SPATA31C2: variants seen among roughly 807,000 people sequenced by gnomAD.
The protein encoded by SPATA31C2 is SPATA31 subfamily C member 2, also known as spermatogenesis-associated protein 31C2.
Under a neutral mutation model 11.4 loss-of-function variants are expected in SPATA31C2, and 5 were observed. That is an observed-to-expected ratio of 0.44 (90% CI 0.23 to 0.92). The LOEUF (loss-of-function observed/expected upper bound fraction) is 0.92, where lower values mean the gene tolerates loss of function less well. Ranked by LOEUF, SPATA31C2 falls within the 40% of genes least tolerant of loss-of-function variation. SPATA31C2 has a pLI of 0.24. For missense variants in SPATA31C2, 1,353 were observed against 1,368.6 expected (o/e 0.99, Z 0.18); for synonymous variants, 515 against 538.7 (o/e 0.96, Z 0.61).
At position 88,129,392 on chromosome 9, in the gene SPATA31C2, A is replaced by AT. The variant is rs2118700639; in HGVS notation, c.*239dup. 2 of 1,014,984 alleles carry AT rather than the reference A, an allele frequency of 2.0e-6. No homozygotes were observed. The highest frequency in any genetic ancestry group is 3.1e-5 in the Admixed American group (1 of 32,288). 62.9% of individuals were successfully genotyped at this position (1,014,984 alleles called of 1,614,324 possible). A position where few individuals can be genotyped will look rare whatever the true frequency, so the allele number is the denominator to read the frequency against. Reference sequence around the variant, plus strand: ...AATACTTTTCCTCTACATAGAGTGAATTTTTTCTTGGTGACTTGTTTTTCT... The same window carrying AT: ...AATACTTTTCCTCTACATAGAGTGAATTTTTTTCTTGGTGACTTGTTTTTCT... On this transcript the variant is annotated 3_prime_UTR_variant, in exon 4 of 4. Transcript: ENST00000324915.
rs1355636156 is a variant in SPATA31C2 at position 88,130,366 on chromosome 9, C to T, written c.2671G>A (p.Ala891Thr). The change falls in exon 4 of 4, where the codon GCT (alanine) becomes ACT (threonine). Residue 891 changes from alanine (A) to threonine (T), a missense_variant. Physicochemically the swap from Ala to Thr is moderately conservative, Grantham distance 58. Around this residue, in one of 6 missense-constraint regions of SPATA31C2, gnomAD observed 1,075 missense variants for 992.8 expected, o/e 1.08. Coordinates refer to ENST00000324915, the MANE Select transcript of SPATA31C2 (RefSeq NM_001350978.3). ...ACTTGAGAAGCCAAATTCTCTGAAG[C>T]ATGGGGCACAACAGATGCTTGCCCA... ...PDGQASVVPH[A>T]SENLASQVPQ... 1 of 1,610,726 alleles carries T rather than the reference C, an allele frequency of 6.2e-7. No homozygotes were observed. Among genetic ancestry groups the T allele is most frequent in the Non-Finnish European group, 8.5e-7 (1 of 1,179,300 alleles).
chr9:88,133,064 C>G, intron 2 of SPATA31C2, 38 bp from the exon 3 acceptor site: 1 of 1,286,328 alleles, frequency 7.8e-7, no homozygotes, highest in Non-Finnish European at 1.0e-6. Context: ...GAGGGAGGGG[C>G]TTGGGATCTC....
At position 88,132,501 on chromosome 9, in the gene SPATA31C2, G is replaced by C; in HGVS notation, c.536C>G (p.Pro179Arg). The C allele has an allele frequency of 6.2e-7, 1 of 1,610,928 alleles. No individual in the cohort carries two copies. Among genetic ancestry groups the C allele is most frequent in the East Asian group, 2.2e-5 (1 of 44,668 alleles). The change falls in exon 4 of 4, where the codon CCA becomes CGA. Residue 179 changes from proline to arginine, a missense_variant. By Grantham distance (103) the Pro-to-Arg change is moderately radical. Around this residue, in one of 6 missense-constraint regions of SPATA31C2, gnomAD observed 1,075 missense variants for 992.8 expected, o/e 1.08. Coordinates refer to ENST00000324915, the MANE Select transcript of SPATA31C2 (RefSeq NM_001350978.3). ...QDLASTPPPG[P>R]MTTSVSSLSA... ...TAGGGAGGAGACTGAGGTGGTCATTGGGCCTGGTGGTGGGGTGGAGGCCAG... is the reference window on the plus strand; with the variant it reads ...TAGGGAGGAGACTGAGGTGGTCATTCGGCCTGGTGGTGGGGTGGAGGCCAG...
At position 88,133,612 on chromosome 9, in the gene SPATA31C2, T is replaced by G. The variant is rs990097977; in HGVS notation, c.247A>C (p.Lys83Gln). Residue 83 changes from lysine (K) to glutamine (Q), a missense_variant, in exon 2 of 4, where the codon AAA becomes CAA. Physicochemically the swap from Lys to Gln is moderately conservative, Grantham distance 53 (BLOSUM62 1). Coordinates refer to ENST00000324915, the MANE Select transcript of SPATA31C2 (RefSeq NM_001350978.3). ...GRRGRPRGRM[K>Q]NHSLRACREC... Reference sequence around the variant, plus strand: ...GCCTTACCTCTCAGACTGTGGTTTTTCATCCTGCCTCTGGGCCTCCCCCTC... The same window carrying G: ...GCCTTACCTCTCAGACTGTGGTTTTGCATCCTGCCTCTGGGCCTCCCCCTC... The G allele has an allele frequency of 5.7e-6, 9 of 1,581,820 alleles. No homozygotes were observed. Among genetic ancestry groups the G allele is most frequent in the Non-Finnish European group, 7.7e-6 (9 of 1,162,578 alleles).
Position 88,130,598 on chromosome 9 carries a change from T to G in SPATA31C2, c.2439A>C (p.Arg813Ser), listed in dbSNP as rs1256349959. The change falls in exon 4 of 4, where the codon AGA becomes AGC. Residue 813 changes from arginine (R) to serine (S), a missense_variant. By Grantham distance (110) the Arg-to-Ser change is moderately radical. Coordinates refer to ENST00000324915, the MANE Select transcript of SPATA31C2 (RefSeq NM_001350978.3). ...CCTCACTTGTGGCTTGGAGGTTTGC[T>G]CTCATACAGGTTCCCAAGGGGACTG... ...QPTVPLGTCM[R>S]ANLQATSEDV... The G allele has an allele frequency of 1.9e-6, 3 of 1,613,604 alleles. No individual in the cohort carries two copies. The highest frequency in any genetic ancestry group is 2.5e-6 in the Non-Finnish European group (3 of 1,179,728).
rs201721638 is a variant in SPATA31C2, at chr9:88,131,478, A to T, written c.1559T>A (p.Ile520Asn). Residue 520 changes from isoleucine (I) to asparagine (N), a missense_variant, in exon 4 of 4, where the codon ATT (isoleucine) becomes AAT (asparagine). Ile to Asn is a moderately radical substitution (Grantham distance 149). Transcript: ENST00000324915. ...TAGATTTTGTGGGGTCTCACCCAGA[A>T]TTTGCCCCAGATGTGGGCATGGGTC... ...ERDPCPHLGQ[I>N]LGETPQNLSR... The T allele has an allele frequency of 1.4e-5, 23 of 1,611,596 alleles. No homozygotes were observed. In the East Asian group the frequency reaches 4.7e-4, roughly 33 times the overall value.
chr9:88,131,961 G>A lies in SPATA31C2; in HGVS notation c.1076C>T (p.Ser359Phe). Residue 359 changes from serine to phenylalanine, a missense_variant, in exon 4 of 4, where the codon TCC (serine) becomes TTC (phenylalanine). This residue lies in a region of SPATA31C2 where 1,075 missense variants were observed against 992.8 expected (regional missense o/e 1.08). Transcript: ENST00000324915. ...AGCAGGAGATAGGACTGGGAAAGAG[G>A]ATTGAAGATGGGCCTGAGCCTCGGC... ...AQAEAQAHLQ[S>F]SFPVLSPAFL... The A allele has an allele frequency of 6.2e-7, 1 of 1,611,118 alleles. No individual in the cohort carries two copies. The highest frequency in any genetic ancestry group is 8.5e-7 in the Non-Finnish European group (1 of 1,178,026).
At chr9:88,135,746 G>T (rs2989481) in intron 1 of SPATA31C2, among the ~76,000 whole-genome samples, 6,060 of 97,674 alleles carry the variant, frequency 0.062, 9 homozygotes, top group East Asian at 0.22. Flanking sequence ...CTCGATCTCC[G>T]GACCTTGTGA....
chr9:88,131,027 C>T lies in SPATA31C2; in HGVS notation c.2010G>A (p.Gln670=). ...ATGAAACCTTTTCCAGTTGAAAGCA[C>T]TGAATGGGCTTGAGGACCCTGAGGG... The part of the protein sequence containing the change: ...GLPLRVLKPI[Q]CFQLEKVSSL... The change falls in exon 4 of 4, where the codon CAG becomes CAA. Residue 670 remains glutamine, a synonymous_variant. Coordinates refer to ENST00000324915, the MANE Select transcript of SPATA31C2 (RefSeq NM_001350978.3). 11 of 1,612,066 alleles carry T rather than the reference C, an allele frequency of 6.8e-6. No homozygotes were observed. The highest frequency in any genetic ancestry group is 9.3e-6 in the Non-Finnish European group (11 of 1,179,872).
intron 1 of SPATA31C2, among the ~76,000 whole-genome samples, chr9:88,133,909 C>G (rs1428441346): frequency 6.6e-6 from 1 of 152,166 alleles, no homozygotes; most frequent in East Asian, 1.9e-4. Flanking sequence ...ATAATCCCAG[C>G]ACTTTGGGAG....
intron 1 of SPATA31C2, among the ~76,000 whole-genome samples, chr9:88,135,503 C>CT (rs1161001939): frequency 5.8e-5 from 7 of 121,518 alleles, no homozygotes; most frequent in South Asian, 5.3e-4. Flanking sequence ...TCTCACTTTC[C>CT]TTTTTTTTTA....
Position 88,138,335 on chromosome 9 carries a change from AC to A in SPATA31C2, c.111del (p.Phe38SerfsTer45). 1 of 1,379,116 alleles carries A rather than the reference AC, an allele frequency of 7.3e-7. No homozygotes were observed. The highest frequency in any genetic ancestry group is 9.6e-7 in the Non-Finnish European group (1 of 1,039,762). 85.4% of individuals were successfully genotyped at this position (1,379,116 alleles called of 1,614,324 possible). A position where few individuals can be genotyped will look rare whatever the true frequency, so the allele number is the denominator to read the frequency against. ...AAGTAGGGGAGTAATAGGAAGAAGA[AC>A]CCCAGGGCAAACACCAAGGTGAGGA... is the stretch of plus-strand genomic sequence containing the variant. ...DIFLTLVFALGFFFLLLPYFS... is the reference protein window; with the variant it reads ...DIFLTLVFALXFFFLLLPYFS... On this transcript the variant is annotated frameshift_variant, in exon 1 of 4. Coordinates refer to ENST00000324915, the MANE Select transcript of SPATA31C2 (RefSeq NM_001350978.3). LOFTEE classifies it high-confidence loss of function.
chr9:88,132,450 G>T lies in SPATA31C2; in HGVS notation c.587C>A (p.Ser196Tyr). ...SLSASQPPEP[S>Y]LLLEHPSPEP... ...GGGTGAGGGATGTTCTAGGAGAAGG[G>T]AAGGTTCTGGTGGCTGGGAGGCACT... Residue 196 changes from serine to tyrosine, a missense_variant, in exon 4 of 4, where the codon TCC becomes TAC. Ser to Tyr is a moderately radical substitution (Grantham distance 144, BLOSUM62 -2). Coordinates refer to ENST00000324915, the MANE Select transcript of SPATA31C2 (RefSeq NM_001350978.3). 1.9e-6 allele frequency: 3 copies of T among 1,611,348 alleles called. No individual in the cohort carries two copies. The highest frequency in any genetic ancestry group is 2.5e-6 in the Non-Finnish European group (3 of 1,178,142).
intron 1 of SPATA31C2, 74 bp from the exon 2 acceptor site, chr9:88,133,743 C>T: frequency 1.3e-6 from 2 of 1,587,384 alleles, no homozygotes; most frequent in Non-Finnish European, 1.7e-6. Context: ...CAGCACGCTG[C>T]ACTCATGAAC....
rs1490784712 is a variant in SPATA31C2 at position 88,136,169 on chromosome 9, G to T, written c.189+2089C>A. Among the ~76,000 whole-genome samples the T allele has an allele frequency of 3.6e-5, 5 of 140,656 alleles. No homozygotes were observed. In the East Asian group the frequency reaches 9.9e-4, roughly 28 times the overall value. 92.3% of individuals were successfully genotyped at this position (140,656 alleles called of 152,430 possible). ...AGGATGGTCTTGTTCTCCTGACCTTGTGATCCGCCCGCCTTGGCCTCCCAA... is the reference window on the plus strand; with the variant it reads ...AGGATGGTCTTGTTCTCCTGACCTTTTGATCCGCCCGCCTTGGCCTCCCAA... On this transcript the variant is annotated intron_variant, in intron 1 of 3. Coordinates refer to ENST00000324915, the MANE Select transcript of SPATA31C2 (RefSeq NM_001350978.3).
In SPATA31C2 at chr9:88,130,712, G is replaced by A. The variant is rs961706656; in HGVS notation, c.2325C>T (p.Tyr775=). The stretch of plus-strand genomic sequence containing the variant: ...TCTGCTGGGTGCTGCCTGTGAGGCT[G>A]TATGTGAGGGGCTTAGATGGCCACC... ...EGRWPSKPLT[Y]SLTGSTQQSR... is the part of the protein sequence containing the mutation. Residue 775 remains tyrosine, a synonymous_variant, in exon 4 of 4, where the codon TAC becomes TAT. Transcript: ENST00000324915. 9.9e-6 allele frequency: 16 copies of A among 1,613,784 alleles called. No individual in the cohort carries two copies. The African/African-American group carries it at 2.0e-4, about 20-fold the overall frequency.
chr9:88,130,474 C>A lies in SPATA31C2; in HGVS notation c.2563G>T (p.Ala855Ser). ...TTTCCAGGCTCAAATTCACTAACAG[C>A]CTCCTCCATGAGACACAGCTTTCTT... Reference protein sequence around the residue: ...DPRKLCLMEEAVSEFEPGKAT... With the variant: ...DPRKLCLMEESVSEFEPGKAT... Residue 855 changes from alanine to serine, a missense_variant, in exon 4 of 4, where the codon GCT becomes TCT. Ala to Ser is a moderately conservative substitution (Grantham distance 99). Around this residue, in one of 6 missense-constraint regions of SPATA31C2, gnomAD observed 1,075 missense variants for 992.8 expected, o/e 1.08. Coordinates refer to ENST00000324915, the MANE Select transcript of SPATA31C2 (RefSeq NM_001350978.3). 3 of 1,613,378 alleles carry A rather than the reference C, an allele frequency of 1.9e-6. No homozygotes were observed. Among genetic ancestry groups the A allele is most frequent in the East Asian group, 2.2e-5 (1 of 44,834 alleles).
intron 1 of SPATA31C2, among the ~76,000 whole-genome samples, chr9:88,136,223 G>GCA (rs1427256063): frequency 5.5e-5 from 8 of 144,874 alleles, no homozygotes; most frequent in South Asian, 2.2e-4. Flanking sequence ...GTGAGCCACC[G>GCA]TGCCGGGCCT....
Position 88,131,812 on chromosome 9 carries a change from C to T in SPATA31C2, c.1225G>A (p.Gly409Arg), listed in dbSNP as rs1465007407. Residue 409 changes from glycine to arginine, a missense_variant, in exon 4 of 4, where the codon GGG becomes AGG. Gly to Arg is a moderately radical substitution (Grantham distance 125). This residue lies in a region of SPATA31C2 where 1,075 missense variants were observed against 992.8 expected (regional missense o/e 1.08). Transcript: ENST00000324915. ...TGGACCCTAGAGGGTAAAGCCAACC[C>T]ACCTTCTAGTTGTTTCTTCAACAAA... ...RPLLKKQLEG[G>R]LALPSRVQKS... 3 of 1,611,452 alleles carry T rather than the reference C, an allele frequency of 1.9e-6. No individual in the cohort carries two copies. Among genetic ancestry groups the T allele is most frequent in the Admixed American group, 1.7e-5 (1 of 59,978 alleles).
Sources: gnomAD v4.1 joint callset for allele counts (sites outside exome capture counted in the v4.1 genomes callset) on GRCh38, gnomAD v4.1.1 for gene constraint, gnomAD v4.1.1 regional missense constraint, MANE v1.5 for transcripts, NCBI Gene and HGNC (gene_info 2026-07-23, HGNC 2026-07-21) for gene names.